Variants in ATAD2 observed in about 807,000 individuals in gnomAD.
ATAD2 encodes ATPase family AAA domain-containing protein 2.
In ATAD2, 62 loss-of-function variants were observed where a neutral mutation model predicts 168.9. The observed-to-expected ratio is 0.37, with a 90% CI of 0.30 to 0.45. The LOEUF is 0.45. Among genes scored for constraint, ATAD2 ranks in the 20% least tolerant of loss-of-function variants. The pLI, the probability that ATAD2 is intolerant of heterozygous loss-of-function variation, is 1.00. For missense variants in ATAD2, 1,419 were observed against 1,667.8 expected (o/e 0.85, Z 2.60); for synonymous variants, 613 against 571.6 (o/e 1.07, Z -1.03).
chr8:123,379,758 T>C (rs1829436017), intron 2 of ATAD2, among the ~76,000 whole-genome samples: 1 of 151,090 alleles, frequency 6.6e-6, no homozygotes, highest in African/African-American at 2.4e-5. Flanking sequence ...TTAGTAGAGA[T>C]GGGGTTTCAC....
chr8:123,415,781 G>A (rs549891460), intron 1 of ATAD2, among the ~76,000 whole-genome samples: 12 of 152,126 alleles, frequency 7.9e-5, no homozygotes, highest in South Asian at 2.1e-4. Flanking sequence ...TTTTAGTAGA[G>A]ACGGAGTTTC....
rs781395468 is a variant in ATAD2 at position 123,346,227 on chromosome 8, T to A, written c.2391A>T (p.Ile797=). The change falls in exon 18 of 28, where the codon ATA becomes ATT. Residue 797 remains isoleucine, a synonymous_variant. Coordinates refer to ENST00000287394, the MANE Select transcript of ATAD2 (RefSeq NM_014109.4). Reference sequence around the variant, plus strand: ...CTTGCCCAAATCCTGGTTCTCCTACTATCAATATTCTTGGTCGAAAAGACA... The same window carrying A: ...CTTGCCCAAATCCTGGTTCTCCTACAATCAATATTCTTGGTCGAAAAGACA... ...QPMSFRPRIL[I]VGEPGFGQGS... 3.1e-6 allele frequency: 5 copies of A among 1,610,066 alleles called. No homozygotes were observed. The South Asian group carries it at 4.4e-5, about 14-fold the overall frequency.
chr8:123,369,856 CTCTG>C lies in ATAD2; in HGVS notation c.892_895del (p.Gln298GlufsTer50), dbSNP rs757663251. On this transcript the variant is annotated frameshift_variant, in exon 7 of 28. Coordinates refer to ENST00000287394, the MANE Select transcript of ATAD2 (RefSeq NM_014109.4). LOFTEE classifies it high-confidence loss of function. ...AGCCTGATAGTAAACAGTAGCTTTT[CTCTG>C]TCTAAGATAATATCGCTTCTGATTC... 11 of 1,612,076 alleles carry C rather than the reference CTCTG, an allele frequency of 6.8e-6. No individual in the cohort carries two copies. Among genetic ancestry groups the C allele is most frequent in the Admixed American group, 3.3e-5 (2 of 59,970 alleles).
chr8:123,371,399 CTTTA>C, intron 4 of ATAD2, 61 bp from the exon 5 acceptor site: 1 of 1,338,834 alleles, frequency 7.5e-7, no homozygotes, highest in Non-Finnish European at 1.0e-6. Context: ...ATTTTAAAAA[CTTTA>C]TTTTTCTTCC....
intron 2 of ATAD2, among the ~76,000 whole-genome samples, chr8:123,373,016 C>T (rs1482944808): frequency 1.3e-5 from 2 of 151,974 alleles, no homozygotes; most frequent in African/African-American, 4.8e-5. Context: ...CCTCAGCTTC[C>T]CGAATAGTTG....
rs146549362 is a variant in ATAD2 at position 123,361,730 on chromosome 8, T to C, written c.1050-84A>G. On this transcript the variant is annotated intron_variant, in intron 8 of 27. Coordinates refer to ENST00000287394, the MANE Select transcript of ATAD2 (RefSeq NM_014109.4). ...TAAGAAAAGCATCAGAAATACCTAA[T>C]GCTCCAAAAAGTTTATCATAAAATT... The C allele has an allele frequency of 5.5e-6, 6 of 1,099,016 alleles. No homozygotes were observed. In the East Asian group the frequency reaches 1.2e-4, roughly 22 times the overall value. The allele number at this position is 1,099,016 out of a possible 1,614,324, so 68.1% of individuals were successfully genotyped here. A position where few individuals can be genotyped will look rare whatever the true frequency, so the allele number is the denominator to read the frequency against.
intron 27 of ATAD2, among the ~76,000 whole-genome samples, chr8:123,322,433 C>T (rs1283344401): frequency 6.6e-6 from 1 of 152,146 alleles, no homozygotes; most frequent in Non-Finnish European, 1.5e-5. Flanking sequence ...CTTTGGGAGG[C>T]TGAAGTGGCT....
At position 123,333,940 on chromosome 8, in the gene ATAD2, G is replaced by T; in HGVS notation, c.3416C>A (p.Ser1139Ter). Residue 1139 changes from serine to a stop codon, truncating the protein, a stop_gained, in exon 24 of 28, where the codon TCA becomes TAA. Coordinates refer to ENST00000287394, the MANE Select transcript of ATAD2 (RefSeq NM_014109.4). LOFTEE classifies it high-confidence loss of function. Reference protein sequence around the residue: ...QNSTLVGDKRSDPEQNEKLKT... With the variant: ...QNSTLVGDKR ...TAGCTTTTCATTCTGCTCTGGGTCT[G>T]ATCTTTTATCACCAACAAGAGTGGA... is the stretch of plus-strand genomic sequence containing the variant. The T allele has an allele frequency of 6.2e-7, 1 of 1,614,156 alleles. No homozygotes were observed. The highest frequency in any genetic ancestry group is 1.1e-5 in the South Asian group (1 of 91,078).
chr8:123,341,786 T>TG (rs1828069541), intron 19 of ATAD2, among the ~76,000 whole-genome samples: 1 of 152,224 alleles, frequency 6.6e-6, no homozygotes, highest in South Asian at 2.1e-4. Context: ...AGCAAGAGCC[T>TG]GTCCTTTCAG....
At chr8:123,405,901 A>G (rs914442146) in intron 1 of ATAD2, among the ~76,000 whole-genome samples, 9 of 152,262 alleles carry the variant, frequency 5.9e-5, no homozygotes, top group African/African-American at 4.8e-5. Flanking sequence ...ATAAATTTCT[A>G]GAAGTGCAAT....
chr8:123,367,495 C>A (rs767817174), intron 8 of ATAD2, among the ~76,000 whole-genome samples: 16 of 152,132 alleles, frequency 1.1e-4, no homozygotes, highest in Non-Finnish European at 1.6e-4. Flanking sequence ...AAACAGAGAT[C>A]CACCCCTTGA....
chr8:123,397,653 A>G (rs1812919394), upstream of ATAD2, among the ~76,000 whole-genome samples: 1 of 152,266 alleles, frequency 6.6e-6, no homozygotes. Flanking sequence ...TCTATTATGT[A>G]CCAGGCATTA....
chr8:123,412,529 C>T (rs1419812100), intron 1 of ATAD2, among the ~76,000 whole-genome samples: 1 of 152,114 alleles, frequency 6.6e-6, no homozygotes, highest in Non-Finnish European at 1.5e-5. Context: ...AACTCCTGGG[C>T]TCAAGCAATT....
chr8:123,390,105 G>A (rs908130347), intron 1 of ATAD2, among the ~76,000 whole-genome samples: 10 of 149,936 alleles, frequency 6.7e-5, no homozygotes, highest in East Asian at 5.9e-4. Context: ...CAGCCTCCCC[G>A]GCACCTTGGA....
At chr8:123,403,958 C>G (rs544224289) in intron 1 of ATAD2, among the ~76,000 whole-genome samples, 8 of 152,210 alleles carry the variant, frequency 5.3e-5, no homozygotes, top group Admixed American at 4.6e-4. Context: ...TTTAGCTGGT[C>G]AGAGCTGAGC....
chr8:123,393,869 A>T (rs1241317616), intron 1 of ATAD2, among the ~76,000 whole-genome samples: 5 of 151,712 alleles, frequency 3.3e-5, no homozygotes, highest in Non-Finnish European at 7.4e-5. Flanking sequence ...GCAAGCCGAG[A>T]TCACGTCACT....
intron 8 of ATAD2, among the ~76,000 whole-genome samples, chr8:123,362,563 G>A (rs1377888695): frequency 2.0e-5 from 3 of 151,500 alleles, no homozygotes; most frequent in African/African-American, 7.3e-5. Flanking sequence ...TTACAGGTAT[G>A]AGCCATTGTG....
intron 1 of ATAD2, among the ~76,000 whole-genome samples, chr8:123,382,731 C>A (rs1026602302): frequency 6.6e-6 from 1 of 152,158 alleles, no homozygotes; most frequent in Non-Finnish European, 1.5e-5. Flanking sequence ...GAAATAGGCA[C>A]AATTTTACAC....
At chr8:123,352,942 G>C (rs569343148) in intron 13 of ATAD2, among the ~76,000 whole-genome samples, 2 of 152,064 alleles carry the variant, frequency 1.3e-5, no homozygotes, top group South Asian at 4.1e-4. Flanking sequence ...GAGTGTGGTA[G>C]TGTGTGCCTG....
Sources: allele counts gnomAD v4.1 joint callset (sites outside exome capture counted in the v4.1 genomes callset), GRCh38; gene constraint gnomAD v4.1.1; transcripts MANE v1.5; gene names NCBI Gene and HGNC (gene_info 2026-07-23, HGNC 2026-07-21).